FNDC3B: variants seen among roughly 807,000 people sequenced by gnomAD.
FNDC3B encodes the protein fibronectin type III domain containing 3B.
FNDC3B carries 12 observed loss-of-function variants against 151.5 expected under a neutral mutation model. The observed-to-expected ratio is 0.08, with a 90% CI of 0.05 to 0.13. The LOEUF (loss-of-function observed/expected upper bound fraction) is 0.13, where lower values mean the gene tolerates loss of function less well. Ranked by LOEUF, FNDC3B falls within the 10% of genes least tolerant of loss-of-function variation. FNDC3B has a pLI of 1.00. For missense variants in FNDC3B, 1,214 were observed against 1,505.3 expected, an observed-to-expected ratio of 0.81 and a Z score of 3.20; for synonymous variants, 528 against 549.0, an observed-to-expected ratio of 0.96 and a Z score of 0.54.
chr3:172,065,730 T>A (rs757407797), intron 1 of FNDC3B, among the ~76,000 whole-genome samples: 13 of 152,356 alleles, frequency 8.5e-5, no homozygotes, highest in Non-Finnish European at 1.9e-4. Flanking sequence ...TAGCTCCAGA[T>A]GGTCAGAAAA....
intron 3 of FNDC3B, among the ~76,000 whole-genome samples, chr3:172,175,660 T>G (rs980238750): frequency 3.9e-5 from 6 of 152,358 alleles, no homozygotes; most frequent in Admixed American, 3.9e-4. Context: ...TAAAGGGGTT[T>G]AAGTAAAATC....
At chr3:172,227,161 A>C in intron 4 of FNDC3B, 1 of 461,328 alleles carries the variant, frequency 2.2e-6, no homozygotes, top group Non-Finnish European at 3.9e-6. Flanking sequence ...GGCCTACTAG[A>C]CTGTCCTCTG....
intron 8 of FNDC3B, among the ~76,000 whole-genome samples, chr3:172,297,162 T>G (rs901029612): frequency 1.3e-5 from 2 of 152,152 alleles, no homozygotes; most frequent in Non-Finnish European, 2.9e-5. Flanking sequence ...CAAAAGATGC[T>G]GAAAATCTGA....
intron 4 of FNDC3B, among the ~76,000 whole-genome samples, chr3:172,246,308 C>T (rs1727772350): frequency 6.6e-6 from 1 of 152,096 alleles, no homozygotes; most frequent in Non-Finnish European, 1.5e-5. Context: ...TACTCCGTGT[C>T]CACTTCCTTG....
At position 172,343,078 on chromosome 3, in the gene FNDC3B, T is replaced by C. The variant is rs1197516111; in HGVS notation, c.2039T>C (p.Leu680Ser). Residue 680 changes from leucine to serine, a missense_variant, in exon 18 of 26, where the codon TTG becomes TCG. By Grantham distance (145) the Leu-to-Ser change is moderately radical. Transcript: ENST00000415807. The stretch of plus-strand genomic sequence containing the variant: ...GGTCAATGTCGACCACCGAGGGTTT[T>C]GGGTAGACCAAAGCACAAAGAAGTC... ...APGQCRPPRVLGRPKHKEVHL... is the reference protein window; with the variant it reads ...APGQCRPPRVSGRPKHKEVHL... 1.2e-6 allele frequency: 2 copies of C among 1,612,518 alleles called. No individual in the cohort carries two copies. The highest frequency in any genetic ancestry group is 1.7e-6 in the Non-Finnish European group (2 of 1,178,900).
chr3:172,095,857 C>A (rs1472010379), intron 1 of FNDC3B, among the ~76,000 whole-genome samples: 1 of 152,100 alleles, frequency 6.6e-6, no homozygotes, highest in Non-Finnish European at 1.5e-5. Context: ...GCGTGCACTT[C>A]CTTGTTAACC....
In FNDC3B at chr3:172,247,504, G is replaced by A. The variant is rs753602819; in HGVS notation, c.265-29G>A. On this transcript the variant is annotated intron_variant, in intron 4 of 25. Transcript: ENST00000415807. Reference sequence around the variant, plus strand: ...TATTCATAGGCTGCTAATATGTACTGCGTTCTTTCCTTTTGTGTTTTTCTT... The same window carrying A: ...TATTCATAGGCTGCTAATATGTACTACGTTCTTTCCTTTTGTGTTTTTCTT... 6 of 1,609,812 alleles carry A rather than the reference G, an allele frequency of 3.7e-6. No homozygotes were observed. In the African/African-American group the frequency reaches 5.3e-5, roughly 14 times the overall value.
At chr3:172,145,613 A>G (rs533687052) in intron 3 of FNDC3B, among the ~76,000 whole-genome samples, 1 of 152,332 alleles carries the variant, frequency 6.6e-6, no homozygotes, top group South Asian at 2.1e-4. Context: ...GAATAAAGCA[A>G]GTATAAATGG....
Position 172,129,711 on chromosome 3 carries a change from A to G in FNDC3B, c.112-3760A>G, listed in dbSNP as rs1180868192. On this transcript the variant is annotated intron_variant, in intron 2 of 25. Transcript: ENST00000415807. ...CACTAACGGTTTTGAAACAGATCTG[A>G]TGAAGCAATAGTAGCTTAGAGGATG... Among the ~76,000 whole-genome samples, 3 of 152,246 alleles carry G rather than the reference A, an allele frequency of 2.0e-5. No homozygotes were observed. The East Asian group carries it at 5.8e-4, about 29-fold the overall frequency.
Position 172,353,683 on chromosome 3 carries a change from T to C in FNDC3B, c.2795+600T>C, listed in dbSNP as rs140560290. ...AGCACCTCAGAGGATAGTTCTGTTA[T>C]GGAGAAGATGAAATGGTTTAGTAGT... On this transcript the variant is annotated intron_variant, in intron 22 of 25. Coordinates refer to ENST00000415807, the MANE Select transcript of FNDC3B (RefSeq NM_022763.4). Among the ~76,000 whole-genome samples the C allele has an allele frequency of 2.8e-3, 433 of 152,324 alleles. 2 individuals carry two copies. The highest frequency in any genetic ancestry group is 4.4e-3 in the Admixed American group (67 of 15,306).
At chr3:172,151,792 C>T (rs1002779247) in intron 3 of FNDC3B, among the ~76,000 whole-genome samples, 2 of 152,228 alleles carry the variant, frequency 1.3e-5, no homozygotes, top group Middle Eastern at 3.4e-3. Flanking sequence ...CCTTGAGTTG[C>T]GTTGTTTCCT....
At chr3:172,275,753 G>A (rs576203382) in intron 6 of FNDC3B, among the ~76,000 whole-genome samples, 1 of 152,150 alleles carries the variant, frequency 6.6e-6, no homozygotes, top group Non-Finnish European at 1.5e-5. Context: ...TCTCAGTTCA[G>A]TGCATTTAGA....
chr3:172,131,168 G>A (rs895577779), intron 2 of FNDC3B, among the ~76,000 whole-genome samples: 8 of 152,086 alleles, frequency 5.3e-5, no homozygotes, highest in African/African-American at 1.9e-4. Context: ...AGGCCGAGAC[G>A]GACGGATCAC....
chr3:172,297,876 C>A (rs1240019737), intron 8 of FNDC3B, among the ~76,000 whole-genome samples: 1 of 152,244 alleles, frequency 6.6e-6, no homozygotes, highest in Non-Finnish European at 1.5e-5. Context: ...ATTATAACTT[C>A]ATAAACTTAC....
At chr3:172,247,110 T>G (rs1727819599) in intron 4 of FNDC3B, among the ~76,000 whole-genome samples, 1 of 152,194 alleles carries the variant, frequency 6.6e-6, no homozygotes, top group Admixed American at 6.5e-5. Context: ...AGCCTAGCCC[T>G]GGAAAAGTAC....
intron 2 of FNDC3B, among the ~76,000 whole-genome samples, chr3:172,119,457 G>C (rs1295134719): frequency 1.3e-5 from 2 of 151,884 alleles, no homozygotes; most frequent in Non-Finnish European, 2.9e-5. Context: ...GAGTGTCACA[G>C]TGCTTAGGAG....
At chr3:172,303,444 A>G (rs4586843) in intron 9 of FNDC3B, among the ~76,000 whole-genome samples, 86,762 of 152,070 alleles carry the variant, frequency 0.57, 26,948 homozygotes, top group African/African-American at 0.82. Context: ...TTATTGACCA[A>G]AAACTGTGGC....
chr3:172,208,788 C>T (rs147498381), intron 3 of FNDC3B, among the ~76,000 whole-genome samples: 2,286 of 152,084 alleles, frequency 0.015, 27 homozygotes, highest in Non-Finnish European at 0.024. Context: ...AGTCACGGAG[C>T]GGCGAGGGGT....
chr3:172,061,607 C>G (rs933149167), intron 1 of FNDC3B, among the ~76,000 whole-genome samples: 20 of 152,142 alleles, frequency 1.3e-4, no homozygotes, highest in African/African-American at 4.3e-4. Context: ...GATTCTTTTC[C>G]TAATGTGTCA....
Sources: gnomAD v4.1 joint callset for allele counts (sites outside exome capture counted in the v4.1 genomes callset) on GRCh38, gnomAD v4.1.1 for gene constraint, MANE v1.5 for transcripts, NCBI Gene and HGNC (gene_info 2026-07-23, HGNC 2026-07-21) for gene names.